ERC2: variants seen among roughly 807,000 people sequenced by gnomAD.
ERC2 encodes ERC protein 2.
In ERC2, 42 loss-of-function variants were observed where a neutral mutation model predicts 114.8. The ratio of observed to expected loss-of-function variants is 0.37; its 90% CI spans 0.29 to 0.47. The LOEUF is 0.47. Among genes scored for constraint, ERC2 ranks in the 20% least tolerant of loss-of-function variants. The pLI, the probability that ERC2 is intolerant of heterozygous loss-of-function variation, is 0.99. For missense variants in ERC2, 939 were observed against 1,150.7 expected, an observed-to-expected ratio of 0.82 and a Z score of 2.66; for synonymous variants, 454 against 425.5, an observed-to-expected ratio of 1.07 and a Z score of -0.82.
chr3:56,180,015 G>A (rs1211329635), intron 3 of ERC2, among the ~76,000 whole-genome samples: 1 of 152,136 alleles, frequency 6.6e-6, no homozygotes, highest in Admixed American at 6.6e-5. Context: ...AGGAAGTCAG[G>A]AGCAAGCAGC....
At chr3:56,061,537 A>G (rs7625720) in intron 7 of ERC2, among the ~76,000 whole-genome samples, 121,123 of 152,112 alleles carry the variant, frequency 0.8, 49,091 homozygotes, top group East Asian at 0.91. Context: ...GGACTTTAAA[A>G]GATGAATTAT....
intron 17 of ERC2, among the ~76,000 whole-genome samples, chr3:55,554,332 G>T (rs2055442484): frequency 6.6e-6 from 1 of 152,126 alleles, no homozygotes; most frequent in Non-Finnish European, 1.5e-5. Flanking sequence ...TGGCCTCTTT[G>T]TCACCAAATA....
intron 17 of ERC2, among the ~76,000 whole-genome samples, chr3:55,532,661 G>A (rs1345853772): frequency 6.6e-6 from 1 of 152,098 alleles, no homozygotes; most frequent in African/African-American, 2.4e-5. Flanking sequence ...CAGGACCATT[G>A]TTCAGGGCCA....
rs1272606886 is a variant in ERC2 at position 56,061,703 on chromosome 3, G to GAGTTTAA, written c.1641+19107_1641+19113dup. ...AAGATTCTTCAAGAACAGTTTCTGA[G>GAGTTTAA]AGTTTAAATTTGAACATAGCAAATA... On this transcript the variant is annotated intron_variant, in intron 7 of 17. Coordinates refer to ENST00000288221, the MANE Select transcript of ERC2 (RefSeq NM_015576.3). 7.2e-5 allele frequency among the ~76,000 whole-genome samples: 11 copies of GAGTTTAA among 152,292 alleles called. No homozygotes were observed. The East Asian group carries it at 2.1e-3, about 29-fold the overall frequency.
chr3:56,315,758 GA>G (rs71294731), intron 2 of ERC2, among the ~76,000 whole-genome samples: 71 of 146,748 alleles, frequency 4.8e-4, no homozygotes, highest in South Asian at 1.7e-3. Flanking sequence ...GTCAGAAAGA[GA>G]AAAAAAAAAT....
chr3:56,092,052 A>G (rs992776820), intron 6 of ERC2, among the ~76,000 whole-genome samples: 1 of 152,226 alleles, frequency 6.6e-6, no homozygotes, highest in Admixed American at 6.5e-5. Flanking sequence ...CATAATTTAC[A>G]GTACATGTTT....
intron 7 of ERC2, among the ~76,000 whole-genome samples, chr3:56,055,430 G>A (rs1276987243): frequency 1.3e-5 from 2 of 152,080 alleles, no homozygotes; most frequent in African/African-American, 4.8e-5. Context: ...TAAAATACAT[G>A]GAAAGTGAAA....
chr3:56,206,964 A>G (rs962389859), intron 3 of ERC2, among the ~76,000 whole-genome samples: 19 of 152,248 alleles, frequency 1.2e-4, no homozygotes, highest in African/African-American at 4.6e-4. Flanking sequence ...CCATAAGCCA[A>G]TAATAATTCA....
At chr3:56,295,997 G>A in intron 3 of ERC2, 22 bp downstream of exon 3, 1 of 1,535,098 alleles carries the variant, frequency 6.5e-7, no homozygotes, top group South Asian at 1.3e-5. Context: ...AGGCTTTGGG[G>A]AAATACAGTG....
At chr3:56,312,903 G>A (rs931506324) in intron 2 of ERC2, among the ~76,000 whole-genome samples, 15 of 147,068 alleles carry the variant, frequency 1.0e-4, no homozygotes, top group African/African-American at 3.2e-4. Context: ...TAGAATCAAA[G>A]GCCTGTATCT....
At chr3:56,307,214 C>G (rs761493793) in intron 2 of ERC2, among the ~76,000 whole-genome samples, 1 of 152,190 alleles carries the variant, frequency 6.6e-6, no homozygotes, top group Non-Finnish European at 1.5e-5. Context: ...TCACAAAGAA[C>G]GAGAAGCCAA....
At chr3:56,069,269 T>A (rs2076619440) in intron 7 of ERC2, among the ~76,000 whole-genome samples, 1 of 152,228 alleles carries the variant, frequency 6.6e-6, no homozygotes, top group African/African-American at 2.4e-5. Flanking sequence ...TTTGTCAGTA[T>A]CCTGTGAACT....
chr3:55,864,632 G>T (rs1012005343), intron 14 of ERC2, among the ~76,000 whole-genome samples: 3 of 152,150 alleles, frequency 2.0e-5, no homozygotes, highest in African/African-American at 7.2e-5. Flanking sequence ...ACTGGCCAAT[G>T]ATAGGTGCTC....
chr3:56,303,024 G>A (rs2055986642), intron 2 of ERC2, among the ~76,000 whole-genome samples: 1 of 152,198 alleles, frequency 6.6e-6, no homozygotes, highest in African/African-American at 2.4e-5. Flanking sequence ...GGTTGAATGA[G>A]GGCTCAGAAA....
intron 8 of ERC2, among the ~76,000 whole-genome samples, 181 bp from the exon 9 acceptor site, chr3:56,010,770 C>T (rs1161847254): frequency 6.6e-6 from 1 of 152,168 alleles, no homozygotes; most frequent in Admixed American, 6.5e-5. Context: ...GGAAGGACAA[C>T]CAATAACAGC....
chr3:55,984,029 A>G (rs1416796954), intron 12 of ERC2, among the ~76,000 whole-genome samples: 1 of 152,202 alleles, frequency 6.6e-6, no homozygotes, highest in Non-Finnish European at 1.5e-5. Context: ...TTCTTCCTAC[A>G]CTAAAAATAT....
At chr3:56,170,009 G>A (rs2082549305) in intron 4 of ERC2, among the ~76,000 whole-genome samples, 1 of 152,110 alleles carries the variant, frequency 6.6e-6, no homozygotes, top group Non-Finnish European at 1.5e-5. Flanking sequence ...GCAGAAAAGA[G>A]GAGCTTAGCA....
At chr3:56,444,128 ATT>A (rs552859347) in intron 1 of ERC2, among the ~76,000 whole-genome samples, 50 of 134,726 alleles carry the variant, frequency 3.7e-4, no homozygotes, top group Non-Finnish European at 4.4e-4. Flanking sequence ...CACCTGGCTA[ATT>A]TTTTTTTTTT....
At chr3:55,558,610 A>G (rs1210867182) in intron 17 of ERC2, among the ~76,000 whole-genome samples, 1 of 152,250 alleles carries the variant, frequency 6.6e-6, no homozygotes, top group Non-Finnish European at 1.5e-5. Context: ...GATGTGCATC[A>G]AATGACTATA....
Sources: gnomAD v4.1 joint callset for allele counts (sites outside exome capture counted in the v4.1 genomes callset) on GRCh38, gnomAD v4.1.1 for gene constraint, MANE v1.5 for transcripts, NCBI Gene and HGNC (gene_info 2026-07-23, HGNC 2026-07-21) for gene names.